ZNF143: variants seen among roughly 807,000 people sequenced by gnomAD.
The protein encoded by ZNF143 is SPH-binding factor.
ZNF143 carries 49 observed loss-of-function variants against 74.1 expected under a neutral mutation model. The observed-to-expected ratio is 0.66, with a 90% CI of 0.53 to 0.84. The LOEUF (loss-of-function observed/expected upper bound fraction) is 0.84. Among genes scored for constraint, ZNF143 ranks in the 40% least tolerant of loss-of-function variants. The pLI, the probability that ZNF143 is intolerant of heterozygous loss-of-function variation, is 0.00. For synonymous variants in ZNF143, 304 were observed against 282.8 expected (o/e 1.07, Z -0.75); for missense variants, 637 against 793.4 (o/e 0.80, Z 2.37).
rs368754514 is a variant in ZNF143, at chr11:9,486,420, T to TAA, written c.645+6874_645+6875insAA. Among the ~76,000 whole-genome samples the TAA allele has an allele frequency of 7.8e-3, 240 of 30,936 alleles. 10 individuals carry two copies. The highest frequency in any genetic ancestry group is 0.018 in the African/African-American group (162 of 8,890). The allele number at this position is 30,936 out of a possible 152,430, so 20.3% of individuals were successfully genotyped here. ...TAATATATTATATATATAATATATA[T>TAA]TATATATATTATATATATAATATAT... On this transcript the variant is annotated intron_variant, in intron 7 of 15. Coordinates refer to ENST00000396602, the MANE Select transcript of ZNF143 (RefSeq NM_003442.6).
intron 13 of ZNF143, among the ~76,000 whole-genome samples, 196 bp from the exon 14 acceptor site, chr11:9,515,994 TAATAATAAAAA>T (rs997999704): frequency 1.3e-5 from 2 of 151,606 alleles, no homozygotes; most frequent in Admixed American, 6.6e-5. Context: ...CCAAAAATAA[TAATAATAAAAA>T]AATAATAAAA....
chr11:9,471,553 G>GT (rs780341708), intron 2 of ZNF143, 133 bp downstream of exon 2: 9,344 of 462,974 alleles, frequency 0.02, no homozygotes, highest in East Asian at 0.037. Context: ...GTGTTTTGGT[G>GT]TTTTTTTTTT....
intron 14 of ZNF143, among the ~76,000 whole-genome samples, chr11:9,521,080 C>A (rs1848908435): frequency 1.3e-5 from 2 of 152,102 alleles, no homozygotes; most frequent in African/African-American, 4.8e-5. Flanking sequence ...ACATACATAG[C>A]CTCCTGCATA....
At chr11:9,513,423 CA>C (rs1213268863) in intron 13 of ZNF143, among the ~76,000 whole-genome samples, 19 of 152,190 alleles carry the variant, frequency 1.2e-4, no homozygotes, top group African/African-American at 4.6e-4. Flanking sequence ...GATTATTAAC[CA>C]AGTTTTAATT....
chr11:9,525,213 T>C, intron 14 of ZNF143, 27 bp from the exon 15 acceptor site: 3 of 1,613,688 alleles, frequency 1.9e-6, no homozygotes, highest in Non-Finnish European at 2.5e-6. Flanking sequence ...ATTCTTTATG[T>C]GTATGGTTTG....
chr11:9,518,861 CT>C (rs569378327), intron 14 of ZNF143, among the ~76,000 whole-genome samples: 135 of 152,204 alleles, frequency 8.9e-4, no homozygotes, highest in Middle Eastern at 3.4e-3. Flanking sequence ...GATCTAAAAG[CT>C]TTCTTTTTCA....
At chr11:9,468,249 A>G (rs1175438995) in intron 1 of ZNF143, among the ~76,000 whole-genome samples, 1 of 152,168 alleles carries the variant, frequency 6.6e-6, no homozygotes, top group Non-Finnish European at 1.5e-5. Context: ...TCTTTTTCAC[A>G]TCAATAGTTC....
chr11:9,498,283 C>A (rs928353997), intron 10 of ZNF143, among the ~76,000 whole-genome samples: 1 of 152,208 alleles, frequency 6.6e-6, no homozygotes, highest in African/African-American at 2.4e-5. Context: ...GGGCTCATAG[C>A]TCTGTTAGAT....
At chr11:9,486,533 C>G (rs1166827982) in intron 7 of ZNF143, among the ~76,000 whole-genome samples, 1 of 128,716 alleles carries the variant, frequency 7.8e-6, no homozygotes, top group Non-Finnish European at 1.6e-5. Flanking sequence ...CCACCCTCAT[C>G]TGCCAAGGCC....
chr11:9,469,298 C>T (rs1856436075), intron 1 of ZNF143, among the ~76,000 whole-genome samples: 1 of 138,452 alleles, frequency 7.2e-6, no homozygotes, highest in Non-Finnish European at 1.5e-5. Context: ...ATGTTGTGAT[C>T]TCGGCTCACT....
At chr11:9,486,175 C>T (rs183826671) in intron 7 of ZNF143, among the ~76,000 whole-genome samples, 9 of 146,858 alleles carry the variant, frequency 6.1e-5, no homozygotes, top group Admixed American at 1.4e-4. Flanking sequence ...AGACAGTGTA[C>T]GTAAAGCAGC....
chr11:9,477,628 C>CTA (rs368565622), intron 5 of ZNF143, among the ~76,000 whole-genome samples: 126 of 151,918 alleles, frequency 8.3e-4, no homozygotes, highest in African/African-American at 2.1e-3. Context: ...TTCACTATCT[C>CTA]TATATATATA....
At chr11:9,486,074 A>C (rs1393968877) in intron 7 of ZNF143, among the ~76,000 whole-genome samples, 2 of 150,756 alleles carry the variant, frequency 1.3e-5, no homozygotes, top group South Asian at 2.1e-4. Context: ...ACCATGGGCA[A>C]GTTACATTAC....
chr11:9,496,102 T>C (rs1041273777), intron 8 of ZNF143, among the ~76,000 whole-genome samples: 3 of 152,222 alleles, frequency 2.0e-5, no homozygotes. Context: ...CTTAAAACAT[T>C]AGTAACTATC....
intron 1 of ZNF143, among the ~76,000 whole-genome samples, chr11:9,470,661 C>T (rs1034575828): frequency 1.3e-5 from 2 of 152,094 alleles, no homozygotes; most frequent in Non-Finnish European, 2.9e-5. Flanking sequence ...AAATGAGGGG[C>T]AAGATCATTG....
intron 11 of ZNF143, among the ~76,000 whole-genome samples, chr11:9,503,240 A>T (rs1565053802): frequency 7.6e-6 from 1 of 131,518 alleles, no homozygotes; most frequent in African/African-American, 2.5e-5. Context: ...TTGTTTATTC[A>T]CCAGTTGTTT....
intron 14 of ZNF143, among the ~76,000 whole-genome samples, chr11:9,524,653 T>C (rs879635458): frequency 1.3e-5 from 2 of 152,128 alleles, no homozygotes; most frequent in Non-Finnish European, 2.9e-5. Context: ...GTTGTACTTG[T>C]GGTATAAGAG....
chr11:9,463,010 C>T (rs992723661), intron 1 of ZNF143, among the ~76,000 whole-genome samples: 1 of 152,196 alleles, frequency 6.6e-6, no homozygotes, highest in Non-Finnish European at 1.5e-5. Context: ...TCCCCTCCAC[C>T]CCACTACTAG....
intron 13 of ZNF143, among the ~76,000 whole-genome samples, chr11:9,515,614 A>G (rs574307966): frequency 6.6e-6 from 1 of 150,826 alleles, no homozygotes; most frequent in South Asian, 2.1e-4. Flanking sequence ...AGATTGCGCC[A>G]CTGCACTCCA....
Sources: allele counts gnomAD v4.1 joint callset (sites outside exome capture counted in the v4.1 genomes callset), GRCh38; gene constraint gnomAD v4.1.1; transcripts MANE v1.5; gene names NCBI Gene and HGNC (gene_info 2026-07-23, HGNC 2026-07-21).